NBEAL1: variants seen among roughly 807,000 people sequenced by gnomAD.
NBEAL1 encodes the protein neurobeachin like 1.
A neutral mutation model predicts 351.3 loss-of-function variants in NBEAL1; 273 were observed. The observed-to-expected ratio is 0.78, with a 90% confidence interval of 0.70 to 0.86. The LOEUF (loss-of-function observed/expected upper bound fraction) is 0.86, where lower values mean the gene tolerates loss of function less well. Among genes scored for constraint, NBEAL1 ranks in the 40% least tolerant of loss-of-function variants. The probability of loss-of-function intolerance (pLI) is 0.00; values close to 1 mark genes in which losing one functional copy is unlikely to be tolerated. For missense variants in NBEAL1, 2,961 were observed against 3,201.3 expected (o/e 0.92, Z 1.81); for synonymous variants, 1,050 against 1,086.4 (o/e 0.97, Z 0.66).
chr2:203,121,913 G>A lies in NBEAL1; in HGVS notation c.2593-341G>A, dbSNP rs548438920. 2.2e-4 allele frequency among the ~76,000 whole-genome samples: 33 copies of A among 152,038 alleles called. No homozygotes were observed. The South Asian group carries it at 6.9e-3, about 32-fold the overall frequency. On this transcript the variant is annotated intron_variant, in intron 18 of 55. Coordinates refer to ENST00000683969, the MANE Select transcript of NBEAL1 (RefSeq NM_001378026.1). ...CAATTCTCCTCCCTCAGCCTCCCGA[G>A]TAGCTGGGATTACAGGTGCCCACCA...
Position 203,110,199 on chromosome 2 carries a change from G to A in NBEAL1, c.1999G>A (p.Gly667Ser). The A allele has an allele frequency of 6.4e-7, 1 of 1,553,500 alleles. No individual in the cohort carries two copies. The highest frequency in any genetic ancestry group is 8.7e-7 in the Non-Finnish European group (1 of 1,147,416). The change falls in exon 15 of 56, where the codon GGT becomes AGT. Residue 667 changes from glycine to serine, a missense_variant. By Grantham distance (56) the Gly-to-Ser change is moderately conservative. Coordinates refer to ENST00000683969, the MANE Select transcript of NBEAL1 (RefSeq NM_001378026.1). ...TTTTGAAGCCTTTATTACCCATTCAGGTATGTTGGTCGTGGCAGTGTGCAC... is the reference window on the plus strand; with the variant it reads ...TTTTGAAGCCTTTATTACCCATTCAAGTATGTTGGTCGTGGCAGTGTGCAC... Reference protein sequence around the residue: ...MGFEAFITHSGMLVVAVCTKR... With the variant: ...MGFEAFITHSSMLVVAVCTKR...
rs1166241301 is a variant in NBEAL1 at position 203,188,541 on chromosome 2, C to G, written c.6775C>G (p.Pro2259Ala). The G allele has an allele frequency of 6.2e-7, 1 of 1,609,610 alleles. No individual in the cohort carries two copies. The highest frequency in any genetic ancestry group is 8.5e-7 in the Non-Finnish European group (1 of 1,177,980). Residue 2259 changes from proline to alanine, a missense_variant, in exon 45 of 56, where the codon CCA (proline) becomes GCA (alanine). Physicochemically the swap from Pro to Ala is conservative, Grantham distance 27. Coordinates refer to ENST00000683969, the MANE Select transcript of NBEAL1 (RefSeq NM_001378026.1). ...GATCTTTGGCTATAAACAGAGGGGA[C>G]CAGCTGCAGTAGAGGCACTCAACGT... ...DLIFGYKQRG[P>A]AAVEALNVFY...
chr2:203,160,085 T>TC (rs1182633438), intron 36 of NBEAL1, among the ~76,000 whole-genome samples: 17 of 151,498 alleles, frequency 1.1e-4, no homozygotes, highest in Admixed American at 5.3e-4. Context: ...CTATTTTTTT[T>TC]TTTTTTTTTT....
chr2:203,135,734 G>T lies in NBEAL1; in HGVS notation c.3871G>T (p.Gly1291Cys), dbSNP rs1453686171. The change falls in exon 28 of 56, where the codon GGT (glycine) becomes TGT (cysteine). Residue 1291 changes from glycine to cysteine, a missense_variant. Transcript: ENST00000683969. ...DAAHQISQQV[G>C]WQDTLVRLFL... ...AGCACATCAAATATCACAGCAAGTG[G>T]GTTGGCAAGACACCTTAGTTAGGCT... 1.9e-6 allele frequency: 3 copies of T among 1,571,920 alleles called. No individual in the cohort carries two copies. The highest frequency in any genetic ancestry group is 2.6e-6 in the Non-Finnish European group (3 of 1,157,428).
chr2:203,019,922 A>G (rs1177723021), intron 2 of NBEAL1, among the ~76,000 whole-genome samples: 1 of 152,226 alleles, frequency 6.6e-6, no homozygotes, highest in Non-Finnish European at 1.5e-5. Flanking sequence ...TTTTTAGCAG[A>G]TGGAGTCCCA....
intron 41 of NBEAL1, 94 bp downstream of exon 41, chr2:203,172,947 A>G: frequency 4.3e-6 from 4 of 920,758 alleles, no homozygotes; most frequent in Non-Finnish European, 6.3e-6. Context: ...TTTTTTTTTT[A>G]TCGTACTACT....
intron 31 of NBEAL1, 134 bp from the exon 32 acceptor site, chr2:203,144,466 A>G (rs1325634421): frequency 2.5e-6 from 2 of 789,506 alleles, no homozygotes; most frequent in Admixed American, 3.2e-5. Flanking sequence ...TTGGAGGCAA[A>G]GTAACATCTG....
intron 30 of NBEAL1, 34 bp downstream of exon 30, chr2:203,138,349 G>T: frequency 6.3e-7 from 1 of 1,582,876 alleles, no homozygotes; most frequent in Non-Finnish European, 8.6e-7. Context: ...TATATTTTGG[G>T]TAGTTAAGAA....
chr2:203,057,853 T>C (rs1204981818), intron 6 of NBEAL1, among the ~76,000 whole-genome samples: 1 of 151,536 alleles, frequency 6.6e-6, no homozygotes, highest in Non-Finnish European at 1.5e-5. Flanking sequence ...TTTTGTCTTT[T>C]TGAGACAGAG....
chr2:203,056,602 T>C, intron 5 of NBEAL1, 94 bp downstream of exon 5: 1 of 771,726 alleles, frequency 1.3e-6, no homozygotes, highest in South Asian at 1.5e-5. Flanking sequence ...GTTTTGCTCT[T>C]GTTGCCCAGG....
intron 4 of NBEAL1, among the ~76,000 whole-genome samples, chr2:203,055,093 G>A (rs960305801): frequency 3.9e-5 from 6 of 152,208 alleles, no homozygotes; most frequent in Non-Finnish European, 5.9e-5. Flanking sequence ...CTGTATCTTG[G>A]ATCTGTAATT....
chr2:203,108,844 C>T (rs997433150), intron 14 of NBEAL1, among the ~76,000 whole-genome samples: 1 of 151,974 alleles, frequency 6.6e-6, no homozygotes, highest in African/African-American at 2.4e-5. Flanking sequence ...GCCAGGAGTT[C>T]AGGACCAGCC....
intron 31 of NBEAL1, among the ~76,000 whole-genome samples, chr2:203,139,547 C>G (rs1280144355): frequency 1.4e-5 from 2 of 147,800 alleles, no homozygotes; most frequent in South Asian, 2.2e-4. Flanking sequence ...AACAGGTTGC[C>G]CACCCCCACC....
intron 35 of NBEAL1, among the ~76,000 whole-genome samples, chr2:203,153,909 A>G (rs1026450264): frequency 6.6e-6 from 1 of 151,698 alleles, no homozygotes; most frequent in African/African-American, 2.4e-5. Flanking sequence ...GTCCCTTCTT[A>G]GTCTCAGTTG....
intron 15 of NBEAL1, among the ~76,000 whole-genome samples, chr2:203,111,393 A>T (rs1478825122): frequency 6.6e-6 from 1 of 151,932 alleles, no homozygotes; most frequent in Admixed American, 6.6e-5. Flanking sequence ...TTCTTTTGAG[A>T]CAGAGTCTCG....
rs71034227 is a variant in NBEAL1, at chr2:203,190,159, T to TAC, written c.6824-84_6824-83dup. The TAC allele has an allele frequency of 8.2e-3, 3,710 of 449,820 alleles. 53 individuals carry two copies. The highest frequency in any genetic ancestry group is 0.041 in the African/African-American group (1,700 of 41,390). 27.9% of individuals were successfully genotyped at this position (449,820 alleles called of 1,614,324 possible). A position where few individuals can be genotyped will look rare whatever the true frequency, so the allele number is the denominator to read the frequency against. On this transcript the variant is annotated intron_variant, in intron 45 of 55. Transcript: ENST00000683969. ...TCAAAAAAAAAAAAAAAGATGTGTGTACACACACACACACACACACACACA... is the reference window on the plus strand; with the variant it reads ...TCAAAAAAAAAAAAAAAGATGTGTGTACACACACACACACACACACACACACA...
At chr2:203,147,014 G>A (rs1164418519) in intron 33 of NBEAL1, among the ~76,000 whole-genome samples, 1 of 152,034 alleles carries the variant, frequency 6.6e-6, no homozygotes, top group East Asian at 1.9e-4. Flanking sequence ...ACTAGGAATA[G>A]AAGGGAAATA....
chr2:203,140,176 G>A (rs918397916), intron 31 of NBEAL1, among the ~76,000 whole-genome samples: 4 of 151,918 alleles, frequency 2.6e-5, no homozygotes, highest in African/African-American at 9.7e-5. Context: ...GCTGGCGCAT[G>A]CCTGTAATTC....
Position 203,222,437 on chromosome 2 carries a change from T to C in NBEAL1, c.*5083T>C, listed in dbSNP as rs1329318200. 6.6e-6 allele frequency among the ~76,000 whole-genome samples: 1 copy of C among 152,216 alleles called. No individual in the cohort carries two copies. ...TATCTTTATATACCAGATCCAATAT[T>C]CAGACTTATTTGAAAATAGGCTTAA... On this transcript the variant is annotated 3_prime_UTR_variant, in exon 56 of 56. Coordinates refer to ENST00000683969, the MANE Select transcript of NBEAL1 (RefSeq NM_001378026.1).
Sources: allele counts gnomAD v4.1 joint callset (sites outside exome capture counted in the v4.1 genomes callset), GRCh38; gene constraint gnomAD v4.1.1; transcripts MANE v1.5; gene names NCBI Gene and HGNC (gene_info 2026-07-23, HGNC 2026-07-21).